Variants in CNTN3 observed in about 807,000 individuals in gnomAD.
CNTN3 encodes the protein contactin-3.
In CNTN3, 60 loss-of-function variants were observed where a neutral mutation model predicts 119.1. That is an observed-to-expected ratio of 0.50 (90% CI 0.41 to 0.62). The LOEUF (loss-of-function observed/expected upper bound fraction) is 0.62, where lower values mean the gene tolerates loss of function less well. Among genes scored for constraint, CNTN3 ranks in the 20% least tolerant of loss-of-function variants. The pLI, the probability that CNTN3 is intolerant of heterozygous loss-of-function variation, is 0.00. For synonymous variants in CNTN3, 450 were observed against 438.7 expected (o/e 1.03, Z -0.32); for missense variants, 1,101 against 1,242.4 (o/e 0.89, Z 1.71).
At chr3:74,518,925 A>G (rs1025573927) in intron 2 of CNTN3, among the ~76,000 whole-genome samples, 2 of 151,906 alleles carry the variant, frequency 1.3e-5, no homozygotes, top group African/African-American at 4.8e-5. Flanking sequence ...CTACAATACT[A>G]AAGTAAGCCA....
At position 74,321,090 on chromosome 3, in the gene CNTN3, C is replaced by A. The variant is rs117507289; in HGVS notation, c.1668+13645G>T. On this transcript the variant is annotated intron_variant, in intron 13 of 22. Coordinates refer to ENST00000263665, the MANE Select transcript of CNTN3 (RefSeq NM_020872.3). ...AAGTGGGAGCTAAACACTGGGTATA[C>A]ATGAACATACATATAAGAACAATAA... Among the ~76,000 whole-genome samples the A allele has an allele frequency of 1.5e-3, 232 of 152,108 alleles. 4 individuals carry two copies. In the East Asian group the frequency reaches 0.04, roughly 26 times the overall value.
At chr3:74,300,251 G>A (rs1397134739) in intron 16 of CNTN3, among the ~76,000 whole-genome samples, 1 of 152,166 alleles carries the variant, frequency 6.6e-6, no homozygotes, top group Non-Finnish European at 1.5e-5. Flanking sequence ...CACTGGAGAT[G>A]ATGGGAAATC....
intron 3 of CNTN3, among the ~76,000 whole-genome samples, chr3:74,493,528 A>C (rs1451986939): frequency 1.3e-5 from 2 of 152,104 alleles, no homozygotes; most frequent in Non-Finnish European, 2.9e-5. Context: ...ACTTACGAAA[A>C]TTTGGGGGGG....
chr3:74,334,630 T>C, intron 13 of CNTN3, 105 bp downstream of exon 13: 1 of 1,050,152 alleles, frequency 9.5e-7, no homozygotes, highest in Non-Finnish European at 1.4e-6. Flanking sequence ...ACCACTTATT[T>C]AGAAAACATT....
At chr3:74,538,157 G>C (rs560577914) in intron 1 of CNTN3, among the ~76,000 whole-genome samples, 1 of 152,206 alleles carries the variant, frequency 6.6e-6, no homozygotes, top group African/African-American at 2.4e-5. Flanking sequence ...TGTGTCATCT[G>C]AGCTGATGAG....
rs759410120 is a variant in CNTN3, at chr3:74,285,354, G to A, written c.2655C>T (p.Ala885=). 24 of 1,612,908 alleles carry A rather than the reference G, an allele frequency of 1.5e-5. No homozygotes were observed. The highest frequency in any genetic ancestry group is 1.1e-4 in the East Asian group (5 of 44,690). ...YYTAVRAYNS[A]GAGPFSATVN... is the part of the protein sequence containing the mutation. ...CTGTGGCGCTAAAAGGCCCAGCGCCGGCACTGTTGTAAGCCCGGACAGCCG... is the reference window on the plus strand; with the variant it reads ...CTGTGGCGCTAAAAGGCCCAGCGCCAGCACTGTTGTAAGCCCGGACAGCCG... The change falls in exon 20 of 23, where the codon GCC becomes GCT. Residue 885 remains alanine (A), a synonymous_variant. Coordinates refer to ENST00000263665, the MANE Select transcript of CNTN3 (RefSeq NM_020872.3).
intron 5 of CNTN3, among the ~76,000 whole-genome samples, chr3:74,394,719 A>G (rs1226526617): frequency 2.6e-5 from 4 of 152,198 alleles, no homozygotes; most frequent in African/African-American, 9.6e-5. Context: ...AAGTTAGAGA[A>G]AGGCTTATAA....
chr3:74,518,666 A>T (rs1249802578), intron 2 of CNTN3, among the ~76,000 whole-genome samples: 1 of 151,956 alleles, frequency 6.6e-6, no homozygotes, highest in African/African-American at 2.4e-5. Context: ...ATACTCCTCA[A>T]TCATTTCAGG....
intron 1 of CNTN3, among the ~76,000 whole-genome samples, chr3:74,578,061 C>T (rs184766646): frequency 7.2e-5 from 11 of 152,120 alleles, no homozygotes; most frequent in Admixed American, 2.0e-4. Flanking sequence ...TATCAACCTC[C>T]TTACAAGGTC....
At chr3:74,294,773 A>G (rs1371931198) in intron 19 of CNTN3, among the ~76,000 whole-genome samples, 1 of 152,192 alleles carries the variant, frequency 6.6e-6, no homozygotes, top group African/African-American at 2.4e-5. Context: ...AGTAAGACAA[A>G]GAGCTGGAGG....
intron 4 of CNTN3, among the ~76,000 whole-genome samples, chr3:74,432,571 T>A (rs1410600910): frequency 6.6e-6 from 1 of 152,144 alleles, no homozygotes; most frequent in African/African-American, 2.4e-5. Context: ...ATAAATCTCA[T>A]TAAAGCATGC....
chr3:74,597,833 A>C (rs1704838047), intron 1 of CNTN3, among the ~76,000 whole-genome samples: 1 of 152,092 alleles, frequency 6.6e-6, no homozygotes, highest in Admixed American at 6.6e-5. Context: ...ATGATGAAGA[A>C]AATAGGAAAA....
intron 1 of CNTN3, among the ~76,000 whole-genome samples, chr3:74,548,224 G>T (rs1397189674): frequency 6.6e-6 from 1 of 152,134 alleles, no homozygotes; most frequent in Non-Finnish European, 1.5e-5. Flanking sequence ...GATGGATTTG[G>T]TTACATGATG....
Position 74,513,291 on chromosome 3 carries a change from T to A in CNTN3, c.55+7767A>T, listed in dbSNP as rs554812656. On this transcript the variant is annotated intron_variant, in intron 2 of 22. Coordinates refer to ENST00000263665, the MANE Select transcript of CNTN3 (RefSeq NM_020872.3). ...CTTCCATGTCCACAAGTGACACCAA[T>A]CAATGTCACAATGGCAGCAACTGAT... Among the ~76,000 whole-genome samples the A allele has an allele frequency of 7.2e-5, 11 of 152,244 alleles. No individual in the cohort carries two copies. In the East Asian group the frequency reaches 2.1e-3, roughly 29 times the overall value.
chr3:74,282,582 G>C (rs1702034699), intron 20 of CNTN3, among the ~76,000 whole-genome samples: 1 of 152,258 alleles, frequency 6.6e-6, no homozygotes, highest in Middle Eastern at 3.4e-3. Flanking sequence ...AATCCATAGG[G>C]GAAGAGCGAT....
intron 11 of CNTN3, among the ~76,000 whole-genome samples, chr3:74,344,539 C>A (rs1703639622): frequency 1.2e-5 from 1 of 82,534 alleles, no homozygotes; most frequent in Non-Finnish European, 2.4e-5. Flanking sequence ...CATTCTCCTG[C>A]TTCAGCCTCC....
intron 1 of CNTN3, among the ~76,000 whole-genome samples, chr3:74,587,598 T>A (rs541591145): frequency 1.1e-4 from 16 of 152,218 alleles, no homozygotes; most frequent in Admixed American, 3.3e-4. Flanking sequence ...CTTAACCTGT[T>A]GTACTGATAC....
chr3:74,344,512 G>A (rs854699), intron 11 of CNTN3, among the ~76,000 whole-genome samples: 118,606 of 147,522 alleles, frequency 0.8, 48,244 homozygotes, highest in African/African-American at 0.94. Context: ...TGCAAGCTCC[G>A]CCTCCCGAGT....
chr3:74,285,200 A>T, intron 20 of CNTN3, 105 bp downstream of exon 20: 1 of 1,208,622 alleles, frequency 8.3e-7, no homozygotes, highest in Non-Finnish European at 1.2e-6. Flanking sequence ...TATATAATCT[A>T]GTGAGATTAA....
Sources: gnomAD v4.1 joint callset for allele counts (sites outside exome capture counted in the v4.1 genomes callset) on GRCh38, gnomAD v4.1.1 for gene constraint, MANE v1.5 for transcripts, NCBI Gene and HGNC (gene_info 2026-07-23, HGNC 2026-07-21) for gene names.